The following FMNL2 variants were observed in gnomAD, a reference collection of about 807,000 sequenced individuals.
FMNL2 encodes formin like 2.
In FMNL2, 51 loss-of-function variants were observed where a neutral mutation model predicts 130.2. The ratio of observed to expected loss-of-function variants is 0.39; its 90% CI spans 0.31 to 0.49. The LOEUF is 0.49. FMNL2 is among the 20% of genes least tolerant of loss of function. The pLI is 0.85. For synonymous variants in FMNL2, 465 were observed against 467.1 expected (o/e 1.00, Z 0.06); for missense variants, 977 against 1,316.2 (o/e 0.74, Z 3.99).
chr2:152,516,116 T>C (rs1229359684), intron 1 of FMNL2, among the ~76,000 whole-genome samples: 1 of 152,138 alleles, frequency 6.6e-6, no homozygotes, highest in East Asian at 1.9e-4. Flanking sequence ...ATTTCCTTTT[T>C]TGTAGCGACA....
chr2:152,478,246 ATATAT>A (rs1227420094), intron 1 of FMNL2, among the ~76,000 whole-genome samples: 884 of 67,638 alleles, frequency 0.013, 5 homozygotes, highest in African/African-American at 0.039. Flanking sequence ...ATATATATAT[ATATAT>A]TTTTTTTTTT....
At chr2:152,472,495 A>C (rs1208393391) in intron 1 of FMNL2, among the ~76,000 whole-genome samples, 1 of 152,208 alleles carries the variant, frequency 6.6e-6, no homozygotes, top group Non-Finnish European at 1.5e-5. Context: ...GCTAAAGGGA[A>C]GCTACTTACA....
chr2:152,584,579 T>C (rs1696965287), intron 9 of FMNL2, among the ~76,000 whole-genome samples: 2 of 152,354 alleles, frequency 1.3e-5, no homozygotes, highest in Admixed American at 1.3e-4. Flanking sequence ...ACTAACGCAA[T>C]ATGGAACCAG....
chr2:152,473,915 C>T (rs1689990879), intron 1 of FMNL2, among the ~76,000 whole-genome samples: 1 of 152,046 alleles, frequency 6.6e-6, no homozygotes, highest in African/African-American at 2.4e-5. Flanking sequence ...CGCTCTGTCG[C>T]CCAGGCTGGA....
intron 8 of FMNL2, among the ~76,000 whole-genome samples, chr2:152,580,147 T>A (rs1016870571): frequency 1.3e-5 from 2 of 152,202 alleles, no homozygotes; most frequent in Non-Finnish European, 2.9e-5. Context: ...CATTATTTTT[T>A]AAAAGACAAT....
intron 2 of FMNL2, 57 bp downstream of exon 2, chr2:152,522,083 G>A: frequency 1.4e-6 from 2 of 1,423,710 alleles, no homozygotes; most frequent in East Asian, 2.3e-5. Context: ...GAGATCCAGT[G>A]TGAATTTTAT....
At chr2:152,634,207 C>T (rs534603346) in intron 21 of FMNL2, among the ~76,000 whole-genome samples, 27 of 152,110 alleles carry the variant, frequency 1.8e-4, no homozygotes, top group Non-Finnish European at 3.4e-4. Context: ...CTGAGGCGGG[C>T]GGATCACTTG....
At chr2:152,375,881 A>ATG (rs1560310880) in intron 1 of FMNL2, among the ~76,000 whole-genome samples, 4 of 79,382 alleles carry the variant, frequency 5.0e-5, no homozygotes, top group Admixed American at 1.4e-4. Flanking sequence ...CTCTCTCTAT[A>ATG]TATATATATA....
chr2:152,494,186 A>AG (rs1377242181), intron 1 of FMNL2, among the ~76,000 whole-genome samples: 1 of 152,234 alleles, frequency 6.6e-6, no homozygotes, highest in Non-Finnish European at 1.5e-5. Flanking sequence ...GGCCAGAGGA[A>AG]GGGAGACTAT....
intron 1 of FMNL2, among the ~76,000 whole-genome samples, chr2:152,397,373 T>A (rs1685450796): frequency 8.9e-6 from 1 of 112,412 alleles, no homozygotes; most frequent in East Asian, 2.9e-4. Flanking sequence ...TTTATCTGTC[T>A]GAGCCAGTTA....
At chr2:152,441,605 G>A (rs1299400835) in intron 1 of FMNL2, among the ~76,000 whole-genome samples, 1 of 152,152 alleles carries the variant, frequency 6.6e-6, no homozygotes, top group Non-Finnish European at 1.5e-5. Context: ...GGGAGGCTGA[G>A]GCAGGGGAAT....
At chr2:152,528,363 G>A (rs1484228276) in intron 2 of FMNL2, among the ~76,000 whole-genome samples, 1 of 152,154 alleles carries the variant, frequency 6.6e-6, no homozygotes, top group Non-Finnish European at 1.5e-5. Context: ...CATAGACCTG[G>A]AGACCAGAAG....
intron 1 of FMNL2, among the ~76,000 whole-genome samples, chr2:152,430,277 A>G (rs892314338): frequency 2.0e-5 from 3 of 152,180 alleles, no homozygotes; most frequent in African/African-American, 7.2e-5. Flanking sequence ...AGAACTTGCG[A>G]CCAGGCTATC....
At chr2:152,528,193 A>T (rs1210802311) in intron 2 of FMNL2, among the ~76,000 whole-genome samples, 1 of 152,196 alleles carries the variant, frequency 6.6e-6, no homozygotes, top group African/African-American at 2.4e-5. Context: ...TTACTACCTA[A>T]AACATTACTA....
intron 1 of FMNL2, among the ~76,000 whole-genome samples, chr2:152,394,396 T>G (rs1685283371): frequency 1.3e-5 from 2 of 152,180 alleles, no homozygotes; most frequent in Admixed American, 6.5e-5. Flanking sequence ...CTGGGTTCAC[T>G]AACTGTGCTT....
At chr2:152,612,858 C>T (rs1034283831) in intron 11 of FMNL2, among the ~76,000 whole-genome samples, 2 of 152,088 alleles carry the variant, frequency 1.3e-5, no homozygotes, top group African/African-American at 4.8e-5. Flanking sequence ...TGCACCCAGC[C>T]GGTGACCTGA....
chr2:152,436,226 C>T (rs998379686), intron 1 of FMNL2, among the ~76,000 whole-genome samples: 1 of 151,880 alleles, frequency 6.6e-6, no homozygotes, highest in South Asian at 2.1e-4. Flanking sequence ...AGTGCAGTGG[C>T]ACTATCTTGG....
At chr2:152,528,122 G>A (rs1359841619) in intron 2 of FMNL2, among the ~76,000 whole-genome samples, 2 of 152,056 alleles carry the variant, frequency 1.3e-5, no homozygotes, top group Non-Finnish European at 2.9e-5. Context: ...ATTCCTAACA[G>A]TAATATAATT....
intron 1 of FMNL2, among the ~76,000 whole-genome samples, chr2:152,505,226 G>A (rs1378598049): frequency 6.6e-6 from 1 of 152,056 alleles, no homozygotes; most frequent in Non-Finnish European, 1.5e-5. Context: ...TTAGAGAAAG[G>A]AATAGTAGAG....
Sources: allele counts gnomAD v4.1 joint callset (sites outside exome capture counted in the v4.1 genomes callset), GRCh38; gene constraint gnomAD v4.1.1; transcripts MANE v1.5; gene names NCBI Gene and HGNC (gene_info 2026-07-23, HGNC 2026-07-21).